Variants in EXOC6B observed in about 807,000 individuals in gnomAD.
The protein encoded by EXOC6B is SEC15 homolog B.
Under a neutral mutation model 113.5 loss-of-function variants are expected in EXOC6B, and 54 were observed. That is an observed-to-expected ratio of 0.48 (90% CI 0.38 to 0.60). The LOEUF (loss-of-function observed/expected upper bound fraction) is 0.60. EXOC6B is among the 20% of genes least tolerant of loss of function. The pLI, the probability that EXOC6B is intolerant of heterozygous loss-of-function variation, is 0.00. For missense variants in EXOC6B, 797 were observed against 977.5 expected (o/e 0.82, Z 2.46); for synonymous variants, 357 against 339.0 (o/e 1.05, Z -0.58).
chr2:72,471,271 A>C (rs1407649286), intron 17 of EXOC6B, among the ~76,000 whole-genome samples: 1 of 152,112 alleles, frequency 6.6e-6, no homozygotes, highest in Non-Finnish European at 1.5e-5. Context: ...TCTTCTTTTG[A>C]GAAGTGTCTG....
Position 72,212,452 on chromosome 2 carries a change from C to A in EXOC6B, c.2197-28265G>T, listed in dbSNP as rs183897093. ...AAAAGAGGACTTGGAGTTGCTGGTA[C>A]TGAGAAGGGATAAAAGAAGAAAGCA... On this transcript the variant is annotated intron_variant, in intron 20 of 21. Coordinates refer to ENST00000272427, the MANE Select transcript of EXOC6B (RefSeq NM_015189.3). Among the ~76,000 whole-genome samples, 1,055 of 152,168 alleles carry A rather than the reference C, an allele frequency of 6.9e-3. 76 individuals are homozygous for A. The highest frequency in any genetic ancestry group is 0.061 in the Admixed American group (930 of 15,284).
At chr2:72,650,427 C>T (rs1331648633) in intron 6 of EXOC6B, among the ~76,000 whole-genome samples, 11 of 152,072 alleles carry the variant, frequency 7.2e-5, no homozygotes, top group African/African-American at 2.4e-5. Flanking sequence ...CGGGGAAACC[C>T]CGTCTCTACT....
intron 21 of EXOC6B, among the ~76,000 whole-genome samples, chr2:72,180,553 C>G (rs1275191034): frequency 2.0e-5 from 3 of 152,230 alleles, no homozygotes; most frequent in Admixed American, 6.5e-5. Context: ...GCAGGCCAGT[C>G]TTCACCAGAG....
chr2:72,423,201 A>G (rs1009887789), intron 18 of EXOC6B, among the ~76,000 whole-genome samples: 4 of 152,000 alleles, frequency 2.6e-5, no homozygotes, highest in African/African-American at 7.3e-5. Flanking sequence ...ACTCACCGCG[A>G]AAGTCTGCAG....
At chr2:72,219,207 G>A (rs1298883577) in intron 20 of EXOC6B, among the ~76,000 whole-genome samples, 1 of 152,032 alleles carries the variant, frequency 6.6e-6, no homozygotes, top group African/African-American at 2.4e-5. Context: ...AGCCATGTGT[G>A]AACACTGATA....
At chr2:72,617,862 T>A (rs1573495994) in intron 6 of EXOC6B, among the ~76,000 whole-genome samples, 1 of 152,210 alleles carries the variant, frequency 6.6e-6, no homozygotes, top group South Asian at 2.1e-4. Context: ...CAACAGATGG[T>A]TCAACAAGTT....
At position 72,367,740 on chromosome 2, in the gene EXOC6B, T is replaced by C. The variant is rs950275519; in HGVS notation, c.2122+11989A>G. 2.6e-5 allele frequency among the ~76,000 whole-genome samples: 4 copies of C among 151,554 alleles called. No homozygotes were observed. In the South Asian group the frequency reaches 8.4e-4, roughly 32 times the overall value. ...GTTTGTGCACTTGGGAGAGGGAGAG[T>C]GCAGCAACTGGGGGACTTTACATTG... On this transcript the variant is annotated intron_variant, in intron 19 of 21. Coordinates refer to ENST00000272427, the MANE Select transcript of EXOC6B (RefSeq NM_015189.3).
chr2:72,620,680 TC>T (rs1671691792), intron 6 of EXOC6B, among the ~76,000 whole-genome samples: 1 of 151,730 alleles, frequency 6.6e-6, no homozygotes. Flanking sequence ...CTAAAGAGCT[TC>T]CATACAGCAA....
At chr2:72,707,855 T>C (rs1471831303) in intron 6 of EXOC6B, among the ~76,000 whole-genome samples, 2 of 152,108 alleles carry the variant, frequency 1.3e-5, no homozygotes, top group African/African-American at 2.4e-5. Context: ...TAATCAAGAT[T>C]AGGTGAGAAA....
intron 18 of EXOC6B, among the ~76,000 whole-genome samples, chr2:72,437,626 G>A (rs1160978954): frequency 1.3e-5 from 2 of 152,030 alleles, no homozygotes; most frequent in Non-Finnish European, 2.9e-5. Context: ...GAGGTAGTCT[G>A]GCTACAGTGG....
At chr2:72,621,494 T>C (rs1455733714) in intron 6 of EXOC6B, among the ~76,000 whole-genome samples, 1 of 151,876 alleles carries the variant, frequency 6.6e-6, no homozygotes, top group Admixed American at 6.6e-5. Context: ...ATAAACACTG[T>C]GGACTACTAT....
chr2:72,699,680 A>G (rs760156847), intron 6 of EXOC6B, among the ~76,000 whole-genome samples: 6 of 152,154 alleles, frequency 3.9e-5, no homozygotes, highest in Non-Finnish European at 8.8e-5. Context: ...AAAGGTACAA[A>G]TTAATAACAG....
At chr2:72,623,008 G>T (rs2104202605) in intron 6 of EXOC6B, among the ~76,000 whole-genome samples, 1 of 152,270 alleles carries the variant, frequency 6.6e-6, no homozygotes, top group East Asian at 1.9e-4. Flanking sequence ...ACTGGAAGGG[G>T]GCAAGAGAGG....
At chr2:72,767,618 T>C (rs907479719) in intron 1 of EXOC6B, among the ~76,000 whole-genome samples, 1 of 149,678 alleles carries the variant, frequency 6.7e-6, no homozygotes, top group Non-Finnish European at 1.5e-5. Context: ...GAGACCAACC[T>C]GGGAAACACG....
intron 20 of EXOC6B, among the ~76,000 whole-genome samples, chr2:72,233,127 T>C (rs1021911273): frequency 2.6e-5 from 4 of 151,816 alleles, no homozygotes; most frequent in Non-Finnish European, 4.4e-5. Context: ...AGATACCCTT[T>C]AAAAAGCTAC....
At chr2:72,666,507 AGTG>A (rs147518477) in intron 6 of EXOC6B, among the ~76,000 whole-genome samples, 6,853 of 152,218 alleles carry the variant, frequency 0.045, 210 homozygotes, top group Non-Finnish European at 0.071. Flanking sequence ...TATTCAATAT[AGTG>A]GTGGAAGTCT....
intron 6 of EXOC6B, among the ~76,000 whole-genome samples, chr2:72,615,921 C>T (rs1379770961): frequency 6.6e-6 from 1 of 151,978 alleles, no homozygotes; most frequent in African/African-American, 2.4e-5. Flanking sequence ...TGATCCTGAC[C>T]CTATGTAGGC....
At chr2:72,243,642 G>A (rs138179249) in intron 20 of EXOC6B, among the ~76,000 whole-genome samples, 2,321 of 152,204 alleles carry the variant, frequency 0.015, 59 homozygotes, top group African/African-American at 0.051. Flanking sequence ...TACCTAATGT[G>A]AATGACAAAT....
chr2:72,461,186 C>T (rs1200755260), intron 18 of EXOC6B, among the ~76,000 whole-genome samples: 4 of 120,858 alleles, frequency 3.3e-5, no homozygotes, highest in Non-Finnish European at 6.4e-5. Context: ...GGAAGGGGAA[C>T]ATCACACTCT....
Sources: allele counts gnomAD v4.1 joint callset (sites outside exome capture counted in the v4.1 genomes callset), GRCh38; gene constraint gnomAD v4.1.1; transcripts MANE v1.5; gene names NCBI Gene and HGNC (gene_info 2026-07-23, HGNC 2026-07-21).